Variants in MTSS1 observed in about 807,000 individuals in gnomAD.
The protein encoded by MTSS1 is MTSS I-BAR domain containing 1.
Under a neutral mutation model 79.0 loss-of-function variants are expected in MTSS1, and 18 were observed. The ratio of observed to expected loss-of-function variants is 0.23; its 90% confidence interval spans 0.16 to 0.34. MTSS1 has a LOEUF of 0.34. MTSS1 is among the 10% of genes least tolerant of loss of function. The probability of loss-of-function intolerance (pLI) is 1.00; values close to 1 mark genes in which losing one functional copy is unlikely to be tolerated. For missense variants in MTSS1, 815 were observed against 986.2 expected, an observed-to-expected ratio of 0.83 and a Z score of 2.33; for synonymous variants, 341 against 368.6, an observed-to-expected ratio of 0.93 and a Z score of 0.86.
chr8:124,639,733 G>A (rs1162007164), intron 3 of MTSS1, among the ~76,000 whole-genome samples: 5 of 152,130 alleles, frequency 3.3e-5, no homozygotes, highest in African/African-American at 1.2e-4. Context: ...CAAAGTGCTG[G>A]GATTACAGGC....
intron 1 of MTSS1, among the ~76,000 whole-genome samples, chr8:124,711,124 C>T (rs1831101982): frequency 6.6e-6 from 1 of 152,234 alleles, no homozygotes; most frequent in South Asian, 2.1e-4. Flanking sequence ...AGCATCACCA[C>T]TTTCTAAAGA....
chr8:124,709,618 A>T (rs1018622267), intron 1 of MTSS1, among the ~76,000 whole-genome samples: 3 of 152,202 alleles, frequency 2.0e-5, no homozygotes, highest in African/African-American at 2.4e-5. Context: ...TTGAAAATAC[A>T]ACTCAGATTA....
intron 5 of MTSS1, among the ~76,000 whole-genome samples, chr8:124,588,062 A>G (rs938392718): frequency 6.6e-6 from 1 of 152,240 alleles, no homozygotes; most frequent in African/African-American, 2.4e-5. Flanking sequence ...ATGCACGGGC[A>G]TGAAATACGG....
chr8:124,657,058 G>T (rs1821091505), intron 3 of MTSS1, among the ~76,000 whole-genome samples: 1 of 152,128 alleles, frequency 6.6e-6, no homozygotes, highest in Non-Finnish European at 1.5e-5. Flanking sequence ...GAGTCAACTG[G>T]GAAAATGGAA....
intron 2 of MTSS1, among the ~76,000 whole-genome samples, chr8:124,701,036 T>C (rs1829620436): frequency 6.6e-6 from 1 of 152,150 alleles, no homozygotes; most frequent in South Asian, 2.1e-4. Context: ...GAGACCAGCC[T>C]GGGCAACATA....
At chr8:124,575,473 C>T (rs1828784012) in intron 6 of MTSS1, among the ~76,000 whole-genome samples, 1 of 152,214 alleles carries the variant, frequency 6.6e-6, no homozygotes, top group Non-Finnish European at 1.5e-5. Flanking sequence ...TGAGCACTCA[C>T]TAAATGTCAG....
At chr8:124,665,313 C>T (rs796156279) in intron 3 of MTSS1, among the ~76,000 whole-genome samples, 6 of 152,310 alleles carry the variant, frequency 3.9e-5, no homozygotes, top group East Asian at 1.9e-4. Context: ...TTTTTCTCTT[C>T]GATTCATTCC....
At chr8:124,642,353 A>G (rs544951525) in intron 3 of MTSS1, among the ~76,000 whole-genome samples, 2 of 152,172 alleles carry the variant, frequency 1.3e-5, no homozygotes, top group Non-Finnish European at 2.9e-5. Context: ...AGGGGACACT[A>G]TACTGTGGAA....
At chr8:124,592,592 TC>T (rs1214287409) in intron 3 of MTSS1, among the ~76,000 whole-genome samples, 4 of 152,332 alleles carry the variant, frequency 2.6e-5, no homozygotes, top group Admixed American at 1.3e-4. Context: ...CCACATGTTT[TC>T]CATTTCATTT....
chr8:124,622,440 G>A (rs569870825), intron 3 of MTSS1, among the ~76,000 whole-genome samples: 1 of 150,360 alleles, frequency 6.7e-6, no homozygotes, highest in South Asian at 2.1e-4. Context: ...AATTATACCG[G>A]GGATTTCTGC....
intron 3 of MTSS1, among the ~76,000 whole-genome samples, chr8:124,671,327 C>T (rs1399196277): frequency 6.6e-6 from 1 of 152,160 alleles, no homozygotes; most frequent in African/African-American, 2.4e-5. Flanking sequence ...CCTGTCTCCT[C>T]ACAGTCATGC....
At chr8:124,599,229 T>C (rs1013052483) in intron 3 of MTSS1, among the ~76,000 whole-genome samples, 1 of 151,934 alleles carries the variant, frequency 6.6e-6, no homozygotes, top group Non-Finnish European at 1.5e-5. Flanking sequence ...ACGCCTGTAA[T>C]CCCCAACACT....
At chr8:124,595,102 G>A (rs925668178) in intron 3 of MTSS1, among the ~76,000 whole-genome samples, 1 of 152,170 alleles carries the variant, frequency 6.6e-6, no homozygotes, top group Non-Finnish European at 1.5e-5. Flanking sequence ...CCACCAGGCT[G>A]GCCCTATCTG....
chr8:124,614,068 G>A, intron 3 of MTSS1, among the ~76,000 whole-genome samples: 1 of 151,526 alleles, frequency 6.6e-6, no homozygotes, highest in Non-Finnish European at 1.5e-5. Context: ...GGTGGCTGAG[G>A]TGGGAGGATG....
Position 124,568,510 on chromosome 8 carries a change from C to A in MTSS1, c.487G>T (p.Asp163Tyr). The A allele has an allele frequency of 6.2e-7, 1 of 1,614,160 alleles. No homozygotes were observed. The highest frequency in any genetic ancestry group is 8.5e-7 in the Non-Finnish European group (1 of 1,180,036). ...TCATTGACATCTTGGAGAGCACTGT[C>A]CAACTGAGGCTGGATATCACCTCTC... ...KGRGDIQPQL[D>Y]SALQDVNDKY... Residue 163 changes from aspartate to tyrosine, a missense_variant, in exon 7 of 14, where the codon GAC (aspartate) becomes TAC (tyrosine). By Grantham distance (160) the Asp-to-Tyr change is radical. Transcript: ENST00000518547.
At chr8:124,681,800 TAAAACAAAAC>T (rs559239103) in intron 3 of MTSS1, among the ~76,000 whole-genome samples, 130 of 152,200 alleles carry the variant, frequency 8.5e-4, no homozygotes, top group African/African-American at 3.0e-3. Context: ...CTCAACAAAA[TAAAACAAAAC>T]AAAACTGCTT....
At chr8:124,574,973 T>C (rs1285919078) in intron 6 of MTSS1, among the ~76,000 whole-genome samples, 1 of 149,908 alleles carries the variant, frequency 6.7e-6, no homozygotes, top group Non-Finnish European at 1.5e-5. Flanking sequence ...AATCGGTAGG[T>C]TTTTTTTTTC....
chr8:124,625,024 G>A (rs1313133395), intron 3 of MTSS1, among the ~76,000 whole-genome samples: 1 of 152,238 alleles, frequency 6.6e-6, no homozygotes, highest in African/African-American at 2.4e-5. Flanking sequence ...GGGCCTGGGT[G>A]TGTGGATTTC....
chr8:124,632,975 T>C (rs1816287067), intron 3 of MTSS1, among the ~76,000 whole-genome samples: 1 of 151,646 alleles, frequency 6.6e-6, no homozygotes, highest in African/African-American at 2.4e-5. Flanking sequence ...GCCTCAATCC[T>C]GCCTTTCACT....
Sources: allele counts gnomAD v4.1 joint callset (sites outside exome capture counted in the v4.1 genomes callset), GRCh38; gene constraint gnomAD v4.1.1; transcripts MANE v1.5; gene names NCBI Gene and HGNC (gene_info 2026-07-23, HGNC 2026-07-21).